PMM1: variants seen among roughly 807,000 people sequenced by gnomAD.
The protein encoded by PMM1 is phosphomannomutase 1.
Under a neutral mutation model 34.0 loss-of-function variants are expected in PMM1, and 25 were observed. That is an observed-to-expected ratio of 0.73 (90% CI 0.54 to 1.03). PMM1 has a LOEUF of 1.03. Among genes scored for constraint, PMM1 ranks in the 50% least tolerant of loss-of-function variants. The probability of loss-of-function intolerance (pLI) is 0.00; values close to 1 mark genes in which losing one functional copy is unlikely to be tolerated. For missense variants in PMM1, 321 were observed against 350.1 expected, an observed-to-expected ratio of 0.92 and a Z score of 0.66; for synonymous variants, 134 against 143.9, an observed-to-expected ratio of 0.93 and a Z score of 0.49.
At chr22:41,589,670 G>A (rs774186330) in intron 1 of PMM1, 49 bp downstream of exon 1, 4 of 1,492,714 alleles carry the variant, frequency 2.7e-6, no homozygotes, top group Non-Finnish European at 3.7e-6. Context: ...AGCCTCGGGG[G>A]TGTCCGCGTG....
At position 41,577,382 on chromosome 22, in the gene PMM1, G is replaced by C. The variant is rs561461781; in HGVS notation, c.725C>G (p.Ser242Cys). ...DPRTVGHSVV[S>C]PQDTVQRCRE... is the part of the protein sequence containing the mutation. ...GCATCGCTGCACCGTGTCCTGAGGA[G>C]ACACCACGCTGTGGCCAACAGTCCG... The change falls in exon 8 of 8, where the codon TCT becomes TGT. Residue 242 changes from serine (S) to cysteine (C), a missense_variant. Transcript: ENST00000216259. The C allele has an allele frequency of 6.2e-7, 1 of 1,612,958 alleles. No homozygotes were observed. The highest frequency in any genetic ancestry group is 8.5e-7 in the Non-Finnish European group (1 of 1,180,022).
At chr22:41,586,929 C>A (rs1433640425) in intron 1 of PMM1, among the ~76,000 whole-genome samples, 1 of 140,394 alleles carries the variant, frequency 7.1e-6, no homozygotes, top group Admixed American at 7.6e-5. Flanking sequence ...ACCAGCCTGG[C>A]CAACATGGTG....
At chr22:41,578,735 T>A (rs2067205989) in intron 6 of PMM1, 71 bp downstream of exon 6, 3 of 1,323,386 alleles carry the variant, frequency 2.3e-6, no homozygotes, top group Non-Finnish European at 1.1e-6. Context: ...CAGCCTGGTC[T>A]TGGCAGGGGC....
At chr22:41,582,435 G>A (rs1203483853) in intron 5 of PMM1, among the ~76,000 whole-genome samples, 1 of 152,186 alleles carries the variant, frequency 6.6e-6, no homozygotes, top group Non-Finnish European at 1.5e-5. Flanking sequence ...CTGCACTCCA[G>A]ACTGGGCAAC....
Position 41,583,940 on chromosome 22 carries a change from A to C in PMM1, c.474+19T>G, listed in dbSNP as rs1394563802. ...GTGACTGAGGCCCTACAGGCCTAAG[A>C]TTGCATAGCTAGTGGTACCTTGTCC... On this transcript the variant is annotated intron_variant, in intron 5 of 7. Coordinates refer to ENST00000216259, the MANE Select transcript of PMM1 (RefSeq NM_002676.3). 2 of 1,511,026 alleles carry C rather than the reference A, an allele frequency of 1.3e-6. No homozygotes were observed. Among genetic ancestry groups the C allele is most frequent in the Non-Finnish European group, 1.8e-6 (2 of 1,085,880 alleles). 93.6% of individuals were successfully genotyped at this position (1,511,026 alleles called of 1,614,324 possible).
At chr22:41,578,977 A>G in intron 5 of PMM1, 96 bp from the exon 6 acceptor site, 1 of 1,040,606 alleles carries the variant, frequency 9.6e-7, no homozygotes, top group Non-Finnish European at 1.5e-6. Flanking sequence ...TGAGCATTCT[A>G]GGTGGGTAGG....
chr22:41,584,635 AAG>A (rs764141749), intron 2 of PMM1, 32 bp from the exon 3 acceptor site: 63 of 1,559,198 alleles, frequency 4.0e-5, no homozygotes, highest in East Asian at 1.3e-4. Flanking sequence ...AGGAGGAAGA[AAG>A]AGTGTGAGAC....
intron 1 of PMM1, chr22:41,589,166 G>A (rs2067349394): frequency 7.8e-7 from 1 of 1,280,644 alleles, no homozygotes; most frequent in Admixed American, 2.3e-5. Flanking sequence ...CTCCACGACT[G>A]GGGGTGGAAG....
chr22:41,589,339 T>G, intron 1 of PMM1: 3 of 433,596 alleles, frequency 6.9e-6, no homozygotes, highest in Non-Finnish European at 1.3e-5. Context: ...CTCCGACCAC[T>G]GGTGTGTCGT....
intron 1 of PMM1, chr22:41,589,154 T>TCAC: frequency 7.7e-7 from 1 of 1,301,980 alleles, no homozygotes; most frequent in Non-Finnish European, 1.0e-6. Flanking sequence ...AAGCCCTCTC[T>TCAC]GCTCCACGAC....
chr22:41,578,809 G>T lies in PMM1; in HGVS notation c.547C>A (p.Arg183=). The T allele has an allele frequency of 4.3e-6, 7 of 1,613,656 alleles. No individual in the cohort carries two copies. The highest frequency in any genetic ancestry group is 5.9e-6 in the Non-Finnish European group (7 of 1,179,656). Residue 183 remains arginine (R), a synonymous_variant, in exon 6 of 8, where the codon CGA becomes AGA. Transcript: ENST00000216259. The stretch of plus-strand genomic sequence containing the variant: ...GTCCTCTGCAGGGTGGACGTACCTC[G>T]AGAGAACCTCAGCCCTTTGCCAGCA... ...EFAGKGLRFS[R]GGMISFDVFP...
intron 2 of PMM1, chr22:41,585,291 T>C (rs774526739): frequency 6.6e-6 from 1 of 152,100 alleles, no homozygotes; most frequent in Non-Finnish European, 1.5e-5. Flanking sequence ...CCACTTTGAC[T>C]GGGCTGAGAC....
At chr22:41,578,230 C>CA (rs2067197388) in intron 6 of PMM1, among the ~76,000 whole-genome samples, 1 of 152,072 alleles carries the variant, frequency 6.6e-6, no homozygotes, top group Non-Finnish European at 1.5e-5. Flanking sequence ...GCCCCTGAGG[C>CA]AGGGAAGAGA....
rs1425920053 is a variant in PMM1 at position 41,586,060 on chromosome 22, C to A, written c.205+16G>T. 6.3e-7 allele frequency: 1 copy of A among 1,585,558 alleles called. No individual in the cohort carries two copies. ...CTCAAACTCCCCACTCCCTCTACCC[C>A]CAGCCTCACTCCTACCTTCATCCCC... On this transcript the variant is annotated intron_variant, in intron 2 of 7. Coordinates refer to ENST00000216259, the MANE Select transcript of PMM1 (RefSeq NM_002676.3).
At chr22:41,581,275 G>T (rs976094270) in intron 5 of PMM1, among the ~76,000 whole-genome samples, 7 of 151,868 alleles carry the variant, frequency 4.6e-5, no homozygotes, top group African/African-American at 1.7e-4. Flanking sequence ...AGTGAGCTGA[G>T]ATCATGCTAC....
chr22:41,589,512 C>T (rs2067355466), intron 1 of PMM1: 1 of 599,844 alleles, frequency 1.7e-6, no homozygotes, highest in African/African-American at 1.9e-5. Flanking sequence ...AAGCAGAACA[C>T]AGGCAAGGAC....
At position 41,578,956 on chromosome 22, in the gene PMM1, C is replaced by T. The variant is rs577326555; in HGVS notation, c.475-75G>A. 1,376 of 1,285,912 alleles carry T rather than the reference C, an allele frequency of 1.1e-3. 19 individuals are homozygous for T. In the South Asian group the frequency reaches 0.016, roughly 15 times the overall value. 79.7% of individuals were successfully genotyped at this position (1,285,912 alleles called of 1,614,324 possible). A position where few individuals can be genotyped will look rare whatever the true frequency, so the allele number is the denominator to read the frequency against. The stretch of plus-strand genomic sequence containing the variant: ...AGGCCCTGGCTGGGCACACAGTCCA[C>T]GTGAGCGTGCTGAGCATTCTAGGTG... On this transcript the variant is annotated intron_variant, in intron 5 of 7. Transcript: ENST00000216259.
chr22:41,581,783 T>G (rs2067249519), intron 5 of PMM1, among the ~76,000 whole-genome samples: 1 of 152,082 alleles, frequency 6.6e-6, no homozygotes, highest in Non-Finnish European at 1.5e-5. Flanking sequence ...GGTCAGAAGA[T>G]CGAGACCATC....
At chr22:41,582,158 C>T (rs1210215606) in intron 5 of PMM1, among the ~76,000 whole-genome samples, 1 of 149,254 alleles carries the variant, frequency 6.7e-6, no homozygotes, top group African/African-American at 2.5e-5. Flanking sequence ...AAAAAAAAAA[C>T]AAAAAAGGGT....
Sources: allele counts gnomAD v4.1 joint callset (sites outside exome capture counted in the v4.1 genomes callset), GRCh38; gene constraint gnomAD v4.1.1; transcripts MANE v1.5; gene names NCBI Gene and HGNC (gene_info 2026-07-23, HGNC 2026-07-21).